MAGI2: variants seen among roughly 807,000 people sequenced by gnomAD.
The protein encoded by MAGI2 is membrane-associated guanylate kinase, WW and PDZ domain-containing protein 2.
In MAGI2, 35 loss-of-function variants were observed where a neutral mutation model predicts 133.3. That is an observed-to-expected ratio of 0.26 (90% CI 0.20 to 0.35). The LOEUF (loss-of-function observed/expected upper bound fraction) is 0.35, where lower values mean the gene tolerates loss of function less well. Ranked by LOEUF, MAGI2 falls within the 10% of genes least tolerant of loss-of-function variation. MAGI2 has a pLI of 1.00. For synonymous variants in MAGI2, 729 were observed against 710.6 expected (o/e 1.03, Z -0.41); for missense variants, 1,636 against 1,863.4 (o/e 0.88, Z 2.25).
intron 1 of MAGI2, among the ~76,000 whole-genome samples, chr7:79,087,496 T>A (rs1243457666): frequency 2.0e-5 from 3 of 151,960 alleles, no homozygotes; most frequent in Non-Finnish European, 2.9e-5. Context: ...AAACATAAGT[T>A]TATGGAGCAT....
At chr7:78,453,785 G>C (rs981494494) in intron 6 of MAGI2, among the ~76,000 whole-genome samples, 6 of 149,506 alleles carry the variant, frequency 4.0e-5, no homozygotes, top group South Asian at 2.1e-4. Flanking sequence ...GACCAGGGAG[G>C]CTTTCTTTAG....
At chr7:79,004,708 T>G (rs539323081) in intron 2 of MAGI2, among the ~76,000 whole-genome samples, 40 of 152,276 alleles carry the variant, frequency 2.6e-4, no homozygotes, top group African/African-American at 8.7e-4. Flanking sequence ...AAAATAAATA[T>G]GTACCCCATA....
chr7:78,389,742 G>C (rs1181873569), intron 6 of MAGI2, among the ~76,000 whole-genome samples: 1 of 152,146 alleles, frequency 6.6e-6, no homozygotes, highest in African/African-American at 2.4e-5. Flanking sequence ...GTTTGGGGTA[G>C]AGGAGAGAAG....
At chr7:78,031,301 G>A (rs889290769) in intron 21 of MAGI2, among the ~76,000 whole-genome samples, 1 of 152,150 alleles carries the variant, frequency 6.6e-6, no homozygotes, top group Non-Finnish European at 1.5e-5. Context: ...ATATAACTAT[G>A]TATTTTTGAA....
Position 78,801,919 on chromosome 7 carries a change from C to A in MAGI2, c.419-174680G>T, listed in dbSNP as rs75743247. On this transcript the variant is annotated intron_variant, in intron 2 of 21. Coordinates refer to ENST00000354212, the MANE Select transcript of MAGI2 (RefSeq NM_012301.4). ...TGTTTAATGGTCATCTAACATACAC[C>A]AAATACTATGAAATGCACCGAGGAA... 8.5e-3 allele frequency among the ~76,000 whole-genome samples: 1,294 copies of A among 152,202 alleles called. 42 individuals are homozygous for A. Among genetic ancestry groups the A allele is most frequent in the Admixed American group, 0.05 (767 of 15,280 alleles).
chr7:78,646,809 T>A, intron 2 of MAGI2, among the ~76,000 whole-genome samples: 1 of 152,162 alleles, frequency 6.6e-6, no homozygotes, highest in East Asian at 1.9e-4. Context: ...TCACACAACA[T>A]CACCTCACTT....
chr7:78,823,867 TTAC>T (rs1314482799), intron 2 of MAGI2, among the ~76,000 whole-genome samples: 4 of 151,842 alleles, frequency 2.6e-5, no homozygotes, highest in African/African-American at 7.3e-5. Context: ...TTACCTAGAG[TTAC>T]TGGTATTATC....
chr7:78,399,804 CAAA>C lies in MAGI2; in HGVS notation c.1046-30594_1046-30592del, dbSNP rs3061269. 6.9e-3 allele frequency among the ~76,000 whole-genome samples: 483 copies of C among 69,682 alleles called. 3 individuals carry two copies. The highest frequency in any genetic ancestry group is 0.026 in the African/African-American group (463 of 17,818). The allele number at this position is 69,682 out of a possible 152,430, so 45.7% of individuals were successfully genotyped here. A position where few individuals can be genotyped will look rare whatever the true frequency, so the allele number is the denominator to read the frequency against. On this transcript the variant is annotated intron_variant, in intron 6 of 21. Coordinates refer to ENST00000354212, the MANE Select transcript of MAGI2 (RefSeq NM_012301.4). ...TGGTTGACAGAGTGAGACTTTGTAT[CAAA>C]AAAAAAAAAAAAAAAAAAAAGGCAT...
At chr7:78,492,571 A>T (rs1022000818) in intron 5 of MAGI2, among the ~76,000 whole-genome samples, 1 of 152,154 alleles carries the variant, frequency 6.6e-6, no homozygotes, top group African/African-American at 2.4e-5. Flanking sequence ...TAATAATTCC[A>T]TTTGAAAACC....
intron 2 of MAGI2, among the ~76,000 whole-genome samples, chr7:78,643,074 T>A (rs1475402567): frequency 1.3e-5 from 2 of 152,238 alleles, no homozygotes; most frequent in East Asian, 3.8e-4. Context: ...GTTACTCTGA[T>A]TTGATCATTA....
chr7:79,042,796 T>A (rs561210694), intron 1 of MAGI2, among the ~76,000 whole-genome samples: 1 of 152,242 alleles, frequency 6.6e-6, no homozygotes, highest in African/African-American at 2.4e-5. Context: ...TCTTCTCACC[T>A]GCATATGGCA....
intron 2 of MAGI2, among the ~76,000 whole-genome samples, chr7:78,809,638 T>C (rs1401682146): frequency 6.6e-6 from 1 of 152,072 alleles, no homozygotes; most frequent in Non-Finnish European, 1.5e-5. Context: ...CCTTACTGTT[T>C]TTTTTTTCCT....
intron 2 of MAGI2, among the ~76,000 whole-genome samples, chr7:78,771,633 G>A (rs886280642): frequency 6.6e-6 from 1 of 152,138 alleles, no homozygotes; most frequent in Non-Finnish European, 1.5e-5. Flanking sequence ...TTGTAAGCAT[G>A]ACTGTTTCTT....
At chr7:78,121,440 A>G (rs1428308166) in intron 20 of MAGI2, among the ~76,000 whole-genome samples, 1 of 152,208 alleles carries the variant, frequency 6.6e-6, no homozygotes, top group African/African-American at 2.4e-5. Flanking sequence ...AAAGACATGT[A>G]CAGGCATTTT....
At chr7:78,944,766 T>C (rs1801277483) in intron 2 of MAGI2, among the ~76,000 whole-genome samples, 1 of 152,038 alleles carries the variant, frequency 6.6e-6, no homozygotes, top group South Asian at 2.1e-4. Context: ...AGACAGGGTC[T>C]GGCTCTGCTG....
Position 78,195,042 on chromosome 7 carries a change from G to T in MAGI2, c.2101C>A (p.Gln701Lys). 1 of 1,610,124 alleles carries T rather than the reference G, an allele frequency of 6.2e-7. No individual in the cohort carries two copies. The highest frequency in any genetic ancestry group is 1.1e-5 in the South Asian group (1 of 90,264). ...PKPIMDRWEN[Q>K]GSPQTSLSAP... ...GATAAACTCGTTTGAGGACTGCCTT[G>T]ATTCTCCCATCGGTCCATTATCTGA... is the stretch of plus-strand genomic sequence containing the variant. The change falls in exon 12 of 22, where the codon CAA (glutamine) becomes AAA (lysine). Residue 701 changes from glutamine (Q) to lysine (K), a missense_variant. Around this residue, in one of 5 missense-constraint regions of MAGI2, gnomAD observed 920 missense variants for 1,093.5 expected, o/e 0.84. Coordinates refer to ENST00000354212, the MANE Select transcript of MAGI2 (RefSeq NM_012301.4).
At chr7:78,835,361 A>G (rs1053467496) in intron 2 of MAGI2, among the ~76,000 whole-genome samples, 7 of 152,228 alleles carry the variant, frequency 4.6e-5, no homozygotes, top group African/African-American at 1.7e-4. Context: ...AAGAGCAGTT[A>G]ATCAGCAACA....
At chr7:79,360,221 C>G (rs1842295908) in intron 1 of MAGI2, among the ~76,000 whole-genome samples, 1 of 152,034 alleles carries the variant, frequency 6.6e-6, no homozygotes, top group Non-Finnish European at 1.5e-5. Flanking sequence ...AGAATGATGT[C>G]TTTTGTTTCC....
chr7:78,929,221 G>A (rs568979566), intron 2 of MAGI2, among the ~76,000 whole-genome samples: 1 of 152,058 alleles, frequency 6.6e-6, no homozygotes, highest in Admixed American at 6.6e-5. Flanking sequence ...AAATAAGAAA[G>A]GTGAACATTT....
Sources: gnomAD v4.1 joint callset for allele counts (sites outside exome capture counted in the v4.1 genomes callset) on GRCh38, gnomAD v4.1.1 for gene constraint, gnomAD v4.1.1 regional missense constraint, MANE v1.5 for transcripts, NCBI Gene and HGNC (gene_info 2026-07-23, HGNC 2026-07-21) for gene names.